The following ZNF385D variants were observed in gnomAD, a reference collection of about 807,000 sequenced individuals.
ZNF385D encodes the protein zinc finger protein 659.
Under a neutral mutation model 35.8 loss-of-function variants are expected in ZNF385D, and 15 were observed. That is an observed-to-expected ratio of 0.42 (90% CI 0.28 to 0.64). ZNF385D has a LOEUF of 0.64. Among genes scored for constraint, ZNF385D ranks in the 30% least tolerant of loss-of-function variants. The probability of loss-of-function intolerance (pLI) is 0.23; values close to 1 mark genes in which losing one functional copy is unlikely to be tolerated. For synonymous variants in ZNF385D, 212 were observed against 186.8 expected (o/e 1.13, Z -1.10); for missense variants, 474 against 494.6 (o/e 0.96, Z 0.39).
chr3:22,137,215 G>T (rs1576382728), intron 3 of ZNF385D, among the ~76,000 whole-genome samples: 1 of 152,176 alleles, frequency 6.6e-6, no homozygotes, highest in African/African-American at 2.4e-5. Context: ...GGACCAGACG[G>T]ATTCACAGCC....
At position 21,415,892 on chromosome 3, in the gene ZNF385D, T is replaced by G. The variant is rs2125228254; in HGVS notation, c.*5322A>C. ...CCTAGGAAGGATGAGTTTCCATCAC[T>G]GAGAAGAGGAAAGAGAAGACCCTCA... On this transcript the variant is annotated 3_prime_UTR_variant, in exon 8 of 8. Transcript: ENST00000281523. 1 of 152,192 alleles carries G rather than the reference T, an allele frequency of 6.6e-6. No homozygotes were observed. The highest frequency in any genetic ancestry group is 1.9e-4 in the East Asian group (1 of 5,160). The allele number at this position is 152,192 out of a possible 1,614,324, so 9.4% of individuals were successfully genotyped here.
chr3:22,139,343 T>C (rs893035520), intron 3 of ZNF385D, among the ~76,000 whole-genome samples: 2 of 152,108 alleles, frequency 1.3e-5, no homozygotes, highest in East Asian at 3.9e-4. Flanking sequence ...GTATTCACAA[T>C]AGCAAAGACT....
chr3:22,063,031 ATTTTT>A (rs528368566), intron 3 of ZNF385D, among the ~76,000 whole-genome samples: 3 of 151,766 alleles, frequency 2.0e-5, no homozygotes, highest in South Asian at 2.1e-4. Context: ...ACACGGGATA[ATTTTT>A]TTTTATTTAA....
chr3:21,521,993 G>T (rs918616966), intron 3 of ZNF385D, among the ~76,000 whole-genome samples: 7 of 151,984 alleles, frequency 4.6e-5, no homozygotes, highest in African/African-American at 1.7e-4. Context: ...GATAGAATAG[G>T]GCCCTATAAT....
intron 2 of ZNF385D, among the ~76,000 whole-genome samples, chr3:22,238,133 C>T (rs983112686): frequency 6.6e-6 from 1 of 151,144 alleles, no homozygotes; most frequent in Non-Finnish European, 1.5e-5. Context: ...AGATTTATTT[C>T]TGCACTCTCA....
intron 1 of ZNF385D, among the ~76,000 whole-genome samples, chr3:21,714,658 T>A (rs1026738876): frequency 2.6e-5 from 4 of 152,132 alleles, no homozygotes; most frequent in African/African-American, 9.7e-5. Flanking sequence ...ATGTATTATT[T>A]CTCCAATCTT....
chr3:22,090,337 CAATT>C (rs1202589669), intron 3 of ZNF385D, among the ~76,000 whole-genome samples: 2 of 152,050 alleles, frequency 1.3e-5, no homozygotes, highest in African/African-American at 2.4e-5. Flanking sequence ...TGTGACATCA[CAATT>C]AATTAATCAA....
chr3:22,006,037 G>C (rs1351812669), intron 3 of ZNF385D, among the ~76,000 whole-genome samples: 1 of 152,020 alleles, frequency 6.6e-6, no homozygotes, highest in East Asian at 1.9e-4. Context: ...TAAAAAGAAA[G>C]AATAGCAGCT....
Position 21,516,036 on chromosome 3 carries a change from G to A in ZNF385D, c.277-5013C>T, listed in dbSNP as rs1707539621. On this transcript the variant is annotated intron_variant, in intron 3 of 7. Coordinates refer to ENST00000281523, the MANE Select transcript of ZNF385D (RefSeq NM_024697.3). ...AAAACTCATGACTCATGATTCCACA[G>A]GTCCTGTGGTCCCCCACCCAGAGGA... 2.6e-5 allele frequency among the ~76,000 whole-genome samples: 4 copies of A among 152,118 alleles called. No homozygotes were observed. The South Asian group carries it at 8.3e-4, about 32-fold the overall frequency.
intron 3 of ZNF385D, among the ~76,000 whole-genome samples, chr3:22,042,770 G>C (rs1698744149): frequency 6.6e-6 from 1 of 152,254 alleles, no homozygotes; most frequent in East Asian, 1.9e-4. Context: ...ATTTAAACAA[G>C]AACATCCAGA....
intron 3 of ZNF385D, among the ~76,000 whole-genome samples, chr3:21,963,365 T>G (rs1702704069): frequency 6.6e-6 from 1 of 152,158 alleles, no homozygotes. Flanking sequence ...CAGATTGTGA[T>G]CAACTCTACG....
chr3:21,444,143 A>G (rs1319990656), intron 4 of ZNF385D, among the ~76,000 whole-genome samples: 1 of 146,682 alleles, frequency 6.8e-6, no homozygotes, highest in Non-Finnish European at 1.5e-5. Context: ...ACAGTTGCAC[A>G]ATCTCGGCCC....
chr3:21,890,911 T>C (rs1250367311), intron 3 of ZNF385D, among the ~76,000 whole-genome samples: 2 of 152,208 alleles, frequency 1.3e-5, no homozygotes, highest in Admixed American at 1.3e-4. Flanking sequence ...TTTATAATTT[T>C]GTTTTTGGTC....
intron 3 of ZNF385D, among the ~76,000 whole-genome samples, chr3:21,815,325 A>G (rs1207938273): frequency 6.6e-6 from 1 of 152,204 alleles, no homozygotes; most frequent in Non-Finnish European, 1.5e-5. Context: ...GGCAAGAAAT[A>G]ACTAAGATCA....
chr3:21,735,967 C>G (rs1343813302), intron 1 of ZNF385D, among the ~76,000 whole-genome samples: 4 of 152,142 alleles, frequency 2.6e-5, no homozygotes, highest in Non-Finnish European at 4.4e-5. Context: ...AGAAGTGGCC[C>G]AAGAATTGTG....
intron 3 of ZNF385D, among the ~76,000 whole-genome samples, chr3:22,118,967 T>C (rs1225563955): frequency 6.6e-6 from 1 of 152,184 alleles, no homozygotes; most frequent in Non-Finnish European, 1.5e-5. Context: ...ACATGGAATA[T>C]GATCAGAGAC....
chr3:21,672,317 T>C (rs2066600225), intron 1 of ZNF385D, among the ~76,000 whole-genome samples: 1 of 151,958 alleles, frequency 6.6e-6, no homozygotes, highest in Admixed American at 6.6e-5. Flanking sequence ...ATTCACTGAC[T>C]AGGTTTCAGA....
chr3:22,265,487 G>A (rs1395060680), intron 2 of ZNF385D, among the ~76,000 whole-genome samples: 1 of 151,914 alleles, frequency 6.6e-6, no homozygotes, highest in Non-Finnish European at 1.5e-5. Context: ...GCCTTTTAAG[G>A]TCTCCACATA....
chr3:22,112,241 C>G (rs1024958628), intron 3 of ZNF385D, among the ~76,000 whole-genome samples: 27 of 152,042 alleles, frequency 1.8e-4, no homozygotes, highest in African/African-American at 6.5e-4. Flanking sequence ...TAAACCTCTC[C>G]TTTTTGCATG....
Sources: gnomAD v4.1 joint callset for allele counts (sites outside exome capture counted in the v4.1 genomes callset) on GRCh38, gnomAD v4.1.1 for gene constraint, MANE v1.5 for transcripts, NCBI Gene and HGNC (gene_info 2026-07-23, HGNC 2026-07-21) for gene names.